Variants in GRID1 observed in about 807,000 individuals in gnomAD.
GRID1 encodes the protein glutamate ionotropic receptor delta type subunit 1.
Under a neutral mutation model 98.0 loss-of-function variants are expected in GRID1, and 28 were observed. The ratio of observed to expected loss-of-function variants is 0.29; its 90% CI spans 0.21 to 0.39. The LOEUF is 0.39. Among genes scored for constraint, GRID1 ranks in the 10% least tolerant of loss-of-function variants. GRID1 has a pLI of 1.00. For synonymous variants in GRID1, 553 were observed against 538.5 expected (o/e 1.03, Z -0.37); for missense variants, 1,111 against 1,340.5 (o/e 0.83, Z 2.67).
intron 12 of GRID1, among the ~76,000 whole-genome samples, chr10:85,688,493 C>A (rs1018584824): frequency 5.3e-5 from 8 of 152,272 alleles, no homozygotes; most frequent in Non-Finnish European, 1.0e-4. Context: ...GAATTACAGG[C>A]ACGGGCCATC....
intron 8 of GRID1, among the ~76,000 whole-genome samples, chr10:85,770,726 T>C (rs1204255763): frequency 6.6e-6 from 1 of 151,908 alleles, no homozygotes; most frequent in Non-Finnish European, 1.5e-5. Flanking sequence ...AGGGTATCAG[T>C]GATGGAAGAT....
intron 13 of GRID1, among the ~76,000 whole-genome samples, chr10:85,642,786 CATT>C (rs1396859688): frequency 6.6e-6 from 1 of 152,146 alleles, no homozygotes; most frequent in African/African-American, 2.4e-5. Flanking sequence ...GATTTTTTAA[CATT>C]ATTGTATTCA....
chr10:85,717,411 G>A (rs1285456358), intron 12 of GRID1, among the ~76,000 whole-genome samples: 1 of 152,112 alleles, frequency 6.6e-6, no homozygotes, highest in East Asian at 1.9e-4. Flanking sequence ...CTTCTTACAT[G>A]GCGTAGGCAA....
At chr10:86,112,270 C>A (rs1013138048) in intron 4 of GRID1, among the ~76,000 whole-genome samples, 1 of 152,198 alleles carries the variant, frequency 6.6e-6, no homozygotes, top group African/African-American at 2.4e-5. Context: ...AGGCGTGGCC[C>A]AGCTCTGTCT....
At position 86,148,718 on chromosome 10, in the gene GRID1, C is replaced by CA. The variant is rs140734751; in HGVS notation, c.521-9695dup. On this transcript the variant is annotated intron_variant, in intron 3 of 15. Coordinates refer to ENST00000327946, the MANE Select transcript of GRID1 (RefSeq NM_017551.3). ...ATACATCAAAACATGTTGTATACCA[C>CA]AAAAAAAATACAACTTTTACTTGTC... Among the ~76,000 whole-genome samples, 409 of 151,492 alleles carry CA rather than the reference C, an allele frequency of 2.7e-3. 3 individuals are homozygous for CA. Among genetic ancestry groups the CA allele is most frequent in the African/African-American group, 9.6e-3 (395 of 41,264 alleles).
chr10:85,963,525 A>T (rs1000725977), intron 4 of GRID1, among the ~76,000 whole-genome samples: 1 of 151,976 alleles, frequency 6.6e-6, no homozygotes, highest in African/African-American at 2.4e-5. Flanking sequence ...TTTCAAAAAA[A>T]CTCTAACCTC....
At chr10:85,740,463 C>T (rs1432721316) in intron 8 of GRID1, among the ~76,000 whole-genome samples, 1 of 152,166 alleles carries the variant, frequency 6.6e-6, no homozygotes, top group Admixed American at 6.6e-5. Flanking sequence ...TTCTGACAGT[C>T]AATTCTATGA....
intron 12 of GRID1, among the ~76,000 whole-genome samples, chr10:85,668,259 G>A (rs1841045683): frequency 6.6e-6 from 1 of 152,200 alleles, no homozygotes; most frequent in Admixed American, 6.5e-5. Flanking sequence ...AATGCACATA[G>A]ACAACAGTCA....
At chr10:86,194,992 T>C (rs1392296895) in intron 3 of GRID1, among the ~76,000 whole-genome samples, 1 of 152,036 alleles carries the variant, frequency 6.6e-6, no homozygotes, top group African/African-American at 2.4e-5. Flanking sequence ...TGGACATTTG[T>C]CCAACAGAAC....
chr10:85,965,463 A>AAG (rs1314226893), intron 4 of GRID1, among the ~76,000 whole-genome samples: 6 of 152,230 alleles, frequency 3.9e-5, no homozygotes. Context: ...GCCAGAAAAA[A>AAG]AGATGAGTTC....
rs572221567 is a variant in GRID1 at position 85,633,723 on chromosome 10, C to T, written c.2193+13479G>A. ...TAGCCTTTGCTAAAATGTCAGAGCT[C>T]ACACAACAGCCTTGGAGCACTTTGA... is the stretch of plus-strand genomic sequence containing the variant. On this transcript the variant is annotated intron_variant, in intron 13 of 15. Transcript: ENST00000327946. Among the ~76,000 whole-genome samples the T allele has an allele frequency of 7.9e-5, 12 of 152,316 alleles. No individual in the cohort carries two copies. The East Asian group carries it at 1.9e-3, about 24-fold the overall frequency.
chr10:86,183,644 C>A (rs1056181383), intron 3 of GRID1, among the ~76,000 whole-genome samples: 1 of 152,236 alleles, frequency 6.6e-6, no homozygotes, highest in Non-Finnish European at 1.5e-5. Flanking sequence ...CAGGCGTGAG[C>A]CACCACGCCC....
Position 86,106,107 on chromosome 10 carries a change from C to T in GRID1, c.726+32712G>A, listed in dbSNP as rs2131948317. Among the ~76,000 whole-genome samples, 5 of 152,296 alleles carry T rather than the reference C, an allele frequency of 3.3e-5. No individual in the cohort carries two copies. The South Asian group carries it at 1.0e-3, about 32-fold the overall frequency. ...GTCTGAGAGCTCCCCAAGTGTCTGT[C>T]CTTCCCTGACCCTTTGCTCCTGCTC... On this transcript the variant is annotated intron_variant, in intron 4 of 15. Coordinates refer to ENST00000327946, the MANE Select transcript of GRID1 (RefSeq NM_017551.3).
chr10:85,821,846 C>A (rs1590248045), intron 8 of GRID1, among the ~76,000 whole-genome samples: 1 of 152,204 alleles, frequency 6.6e-6, no homozygotes, highest in South Asian at 2.1e-4. Context: ...GACATGTAGA[C>A]CAATGGAACA....
chr10:85,605,008 G>A (rs915792898), intron 15 of GRID1, among the ~76,000 whole-genome samples: 11 of 152,172 alleles, frequency 7.2e-5, no homozygotes, highest in East Asian at 5.8e-4. Context: ...AGCTGAATCC[G>A]GAACAAAGAG....
At chr10:86,060,936 G>T (rs1811222073) in intron 4 of GRID1, among the ~76,000 whole-genome samples, 1 of 152,128 alleles carries the variant, frequency 6.6e-6, no homozygotes, top group South Asian at 2.1e-4. Context: ...CAGATCAGTT[G>T]ACTCTACAAT....
intron 2 of GRID1, among the ~76,000 whole-genome samples, chr10:86,231,546 G>A (rs1309395275): frequency 1.3e-5 from 2 of 152,180 alleles, no homozygotes; most frequent in Non-Finnish European, 1.5e-5. Context: ...CTCTCCACAA[G>A]TATTCAAGCA....
At position 86,191,308 on chromosome 10, in the gene GRID1, G is replaced by A. The variant is rs543245861; in HGVS notation, c.520+15056C>T. 4.0e-3 allele frequency among the ~76,000 whole-genome samples: 612 copies of A among 152,272 alleles called. 5 individuals carry two copies. Among genetic ancestry groups the A allele is most frequent in the Non-Finnish European group, 5.2e-3 (357 of 68,018 alleles). On this transcript the variant is annotated intron_variant, in intron 3 of 15. Transcript: ENST00000327946. ...GAGGAAACTTCCAAAACAAGGAGAC[G>A]CTCAAATAAGTCTTGAGGATGGAGG...
intron 8 of GRID1, among the ~76,000 whole-genome samples, chr10:85,815,347 C>T (rs974687634): frequency 1.3e-5 from 2 of 151,890 alleles, no homozygotes; most frequent in Non-Finnish European, 2.9e-5. Flanking sequence ...GAAGGAATGC[C>T]TTATTTCACA....
Sources: allele counts gnomAD v4.1 joint callset (sites outside exome capture counted in the v4.1 genomes callset), GRCh38; gene constraint gnomAD v4.1.1; transcripts MANE v1.5; gene names NCBI Gene and HGNC (gene_info 2026-07-23, HGNC 2026-07-21).